Variants in HS3ST5 observed in about 807,000 individuals in gnomAD.
HS3ST5 encodes heparan sulfate glucosamine 3-O-sulfotransferase 5.
HS3ST5 carries 10 observed loss-of-function variants against 25.4 expected under a neutral mutation model. That is an observed-to-expected ratio of 0.39 (90% CI 0.24 to 0.67). The LOEUF (loss-of-function observed/expected upper bound fraction) is 0.67, where lower values mean the gene tolerates loss of function less well. HS3ST5 is among the 30% of genes least tolerant of loss of function. The probability of loss-of-function intolerance (pLI) is 0.44; values close to 1 mark genes in which losing one functional copy is unlikely to be tolerated. For missense variants in HS3ST5, 324 were observed against 420.7 expected (o/e 0.77, Z 2.01); for synonymous variants, 170 against 162.4 (o/e 1.05, Z -0.36).
intron 2 of HS3ST5, among the ~76,000 whole-genome samples, chr6:114,172,932 T>A (rs1346010212): frequency 6.6e-6 from 1 of 152,168 alleles, no homozygotes; most frequent in Non-Finnish European, 1.5e-5. Flanking sequence ...AAACTGATAA[T>A]TCTTTTGGGG....
At chr6:114,113,652 A>T (rs1448581884) in intron 3 of HS3ST5, among the ~76,000 whole-genome samples, 3 of 151,900 alleles carry the variant, frequency 2.0e-5, no homozygotes, top group African/African-American at 7.2e-5. Flanking sequence ...TCAGTATCCA[A>T]ACTCTCACTG....
chr6:114,262,168 T>A (rs147999061), intron 1 of HS3ST5, among the ~76,000 whole-genome samples: 1 of 152,342 alleles, frequency 6.6e-6, no homozygotes, highest in South Asian at 2.1e-4. Context: ...TAATATTGAA[T>A]CTATGAATTG....
intron 3 of HS3ST5, chr6:114,084,910 C>CTTG: frequency 2.0e-6 from 1 of 499,544 alleles, no homozygotes; most frequent in Non-Finnish European, 3.6e-6. Context: ...CGGCTCACTG[C>CTTG]AACCTCTGCC....
chr6:114,121,416 G>T (rs777772355), intron 3 of HS3ST5, among the ~76,000 whole-genome samples: 98 of 152,062 alleles, frequency 6.4e-4, no homozygotes, highest in Non-Finnish European at 1.0e-3. Flanking sequence ...CAAATTTACT[G>T]CCTGTTAATT....
chr6:114,153,288 T>A (rs1367817317), intron 3 of HS3ST5, among the ~76,000 whole-genome samples: 1 of 152,194 alleles, frequency 6.6e-6, no homozygotes, highest in Non-Finnish European at 1.5e-5. Context: ...AGGTCAGCCC[T>A]GCTCCAGGAT....
intron 3 of HS3ST5, among the ~76,000 whole-genome samples, chr6:114,163,425 G>A (rs781052476): frequency 6.6e-6 from 1 of 152,030 alleles, no homozygotes; most frequent in Non-Finnish European, 1.5e-5. Context: ...AGGTAAGTAC[G>A]CAGTAGTCCA....
intron 3 of HS3ST5, among the ~76,000 whole-genome samples, chr6:114,139,617 C>T (rs1301001451): frequency 6.6e-6 from 1 of 152,146 alleles, no homozygotes; most frequent in Non-Finnish European, 1.5e-5. Flanking sequence ...TCCCCTATTA[C>T]TTATTTAATA....
chr6:114,068,797 TC>T (rs1773617674), intron 3 of HS3ST5, among the ~76,000 whole-genome samples: 1 of 152,118 alleles, frequency 6.6e-6, no homozygotes, highest in Non-Finnish European at 1.5e-5. Flanking sequence ...ACATTTAAGC[TC>T]CCCCCATCCA....
In HS3ST5 at chr6:114,144,558, C is replaced by T. The variant is rs1322588220; in HGVS notation, c.-33+23793G>A. Among the ~76,000 whole-genome samples, 9 of 152,082 alleles carry T rather than the reference C, an allele frequency of 5.9e-5. No individual in the cohort carries two copies. In the East Asian group the frequency reaches 1.7e-3, roughly 29 times the overall value. Reference sequence around the variant, plus strand: ...GAGCATTTAATCTTGAAACTTCTATCCAGAAGTTAGTTCTCAAATAAATGC... The same window carrying T: ...GAGCATTTAATCTTGAAACTTCTATTCAGAAGTTAGTTCTCAAATAAATGC... On this transcript the variant is annotated intron_variant, in intron 3 of 4. Coordinates refer to ENST00000312719, the MANE Select transcript of HS3ST5 (RefSeq NM_153612.4).
At chr6:114,060,789 G>C (rs1490232515) in intron 4 of HS3ST5, among the ~76,000 whole-genome samples, 1 of 152,094 alleles carries the variant, frequency 6.6e-6, no homozygotes, top group Non-Finnish European at 1.5e-5. Flanking sequence ...TCTACCCTGG[G>C]AGATCACATC....
chr6:114,287,064 C>T (rs1479101936), intron 1 of HS3ST5, among the ~76,000 whole-genome samples: 1 of 151,702 alleles, frequency 6.6e-6, no homozygotes, highest in East Asian at 1.9e-4. Context: ...CTTTTTTCTT[C>T]TTATTTGAAT....
intron 2 of HS3ST5, among the ~76,000 whole-genome samples, chr6:114,222,954 T>C (rs111813572): frequency 2.2e-4 from 33 of 151,762 alleles, no homozygotes; most frequent in African/African-American, 7.7e-4. Flanking sequence ...TTTACTTTCC[T>C]AAACAAGGAA....
At chr6:114,156,853 T>C (rs1253443532) in intron 3 of HS3ST5, among the ~76,000 whole-genome samples, 1 of 152,348 alleles carries the variant, frequency 6.6e-6, no homozygotes, top group Admixed American at 6.5e-5. Context: ...ATCTTAAATA[T>C]GGCTTTTCCT....
intron 1 of HS3ST5, among the ~76,000 whole-genome samples, chr6:114,326,684 AT>A (rs546777142): frequency 6.6e-6 from 1 of 151,946 alleles, no homozygotes; most frequent in South Asian, 2.1e-4. Flanking sequence ...AAGTCTTTAG[AT>A]TTTTTTTCAG....
chr6:114,212,514 C>T (rs1781552370), intron 2 of HS3ST5, among the ~76,000 whole-genome samples: 1 of 152,070 alleles, frequency 6.6e-6, no homozygotes, highest in Non-Finnish European at 1.5e-5. Context: ...TTACTATTCC[C>T]TACTAAAAAA....
At chr6:114,281,268 A>G (rs1001195014) in intron 1 of HS3ST5, among the ~76,000 whole-genome samples, 3 of 152,018 alleles carry the variant, frequency 2.0e-5, no homozygotes, top group African/African-American at 7.2e-5. Context: ...AAAATAACTG[A>G]TTTTAAATGA....
At chr6:114,218,202 C>T (rs371456701) in intron 2 of HS3ST5, among the ~76,000 whole-genome samples, 3 of 152,014 alleles carry the variant, frequency 2.0e-5, no homozygotes, top group Non-Finnish European at 2.9e-5. Flanking sequence ...TTCGTCATGT[C>T]GGCCAGGCTG....
chr6:114,341,550 T>C (rs1284917178), intron 1 of HS3ST5, among the ~76,000 whole-genome samples: 2 of 151,666 alleles, frequency 1.3e-5, no homozygotes, highest in Admixed American at 6.6e-5. Flanking sequence ...TCAGACTTGT[T>C]TGTAGTAACA....
At chr6:114,310,811 A>T (rs1775499464) in intron 1 of HS3ST5, among the ~76,000 whole-genome samples, 1 of 152,224 alleles carries the variant, frequency 6.6e-6, no homozygotes, top group African/African-American at 2.4e-5. Flanking sequence ...ACGATTTTCA[A>T]TGATAGAAAT....
Sources: gnomAD v4.1 joint callset for allele counts (sites outside exome capture counted in the v4.1 genomes callset) on GRCh38, gnomAD v4.1.1 for gene constraint, MANE v1.5 for transcripts, NCBI Gene and HGNC (gene_info 2026-07-23, HGNC 2026-07-21) for gene names.